RFX2: variants seen among roughly 807,000 people sequenced by gnomAD.
RFX2 encodes the protein DNA-binding protein RFX2.
A neutral mutation model predicts 87.8 loss-of-function variants in RFX2; 20 were observed. The observed-to-expected ratio is 0.23, with a 90% confidence interval of 0.16 to 0.33. RFX2 has a LOEUF of 0.33. Ranked by LOEUF, RFX2 falls within the 10% of genes least tolerant of loss-of-function variation. The pLI is 1.00. For synonymous variants in RFX2, 397 were observed against 431.3 expected (o/e 0.92, Z 0.98); for missense variants, 767 against 1,012.3 (o/e 0.76, Z 3.29).
rs1266389543 is a variant in RFX2 at position 6,036,431 on chromosome 19, G to A, written c.522+3549C>T. Among the ~76,000 whole-genome samples, 6 of 152,144 alleles carry A rather than the reference G, an allele frequency of 3.9e-5. No homozygotes were observed. In the East Asian group the frequency reaches 1.2e-3, roughly 29 times the overall value. ...TCACTCTGGACAAAGGAAGAGAGAG[G>A]ACAGCAAGATTCATGGGGCCTCTCT... On this transcript the variant is annotated intron_variant, in intron 5 of 17. Transcript: ENST00000303657.
intron 1 of RFX2, among the ~76,000 whole-genome samples, chr19:6,062,559 C>G (rs2087451320): frequency 1.3e-5 from 2 of 152,352 alleles, no homozygotes; most frequent in South Asian, 4.1e-4. Context: ...GAGCTTCCGT[C>G]TCTTTTCTGT....
Position 6,010,195 on chromosome 19 carries a change from A to G in RFX2, c.956T>C (p.Leu319Pro), listed in dbSNP as rs1043235339. 1.3e-6 allele frequency: 2 copies of G among 1,548,780 alleles called. No individual in the cohort carries two copies. The highest frequency in any genetic ancestry group is 1.7e-6 in the Non-Finnish European group (2 of 1,146,972). ...SLGDSGSHSGLHSTPEQTMAV... is the reference protein window; with the variant it reads ...SLGDSGSHSGPHSTPEQTMAV... ...CATGGTCTGTTCCGGAGTGCTGTGC[A>G]GGCCGCTGTGGGAGCCGCTGTCCCC... The change falls in exon 9 of 18, where the codon CTG (leucine) becomes CCG (proline). Residue 319 changes from leucine to proline, a missense_variant. Around this residue, in one of 2 missense-constraint regions of RFX2, gnomAD observed 621 missense variants for 873.0 expected, o/e 0.71. Transcript: ENST00000303657. The surrounding 1 kb of genome is among the most constrained non-coding windows in gnomAD (Gnocchi z 5.0).
At chr19:5,994,995 C>T (rs538563334) in intron 17 of RFX2, 45 bp from the exon 18 acceptor site, 16 of 1,448,990 alleles carry the variant, frequency 1.1e-5, no homozygotes, top group East Asian at 6.9e-5. Context: ...CAGGAGGGCA[C>T]GAGAGGGAGA....
chr19:6,093,859 G>A (rs2144888587), intron 1 of RFX2, among the ~76,000 whole-genome samples: 1 of 152,240 alleles, frequency 6.6e-6, no homozygotes, highest in East Asian at 1.9e-4. Context: ...CTTACTATAT[G>A]ATTCCATTTT....
intron 5 of RFX2, among the ~76,000 whole-genome samples, chr19:6,038,264 T>G (rs1408116810): frequency 7.1e-6 from 1 of 140,524 alleles, no homozygotes; most frequent in African/African-American, 2.7e-5. Flanking sequence ...GAGGTGGAGG[T>G]TGCAGTGAGC....
At chr19:6,043,884 T>C (rs1489568666) in intron 3 of RFX2, among the ~76,000 whole-genome samples, 1 of 152,204 alleles carries the variant, frequency 6.6e-6, no homozygotes, top group Non-Finnish European at 1.5e-5. Flanking sequence ...TCCAGAGCCC[T>C]TTGTTTCTGT....
rs539772067 is a variant in RFX2 at position 6,049,944 on chromosome 19, G to A, written c.-8-2440C>T. Among the ~76,000 whole-genome samples the A allele has an allele frequency of 1.1e-4, 16 of 152,364 alleles. No individual in the cohort carries two copies. In the East Asian group the frequency reaches 2.9e-3, roughly 28 times the overall value. ...TCCACAAATGCTTGGGTGCCAGAAAGCATCAGCCTCGTTATCCTGAAGGGT... is the reference window on the plus strand; with the variant it reads ...TCCACAAATGCTTGGGTGCCAGAAAACATCAGCCTCGTTATCCTGAAGGGT... On this transcript the variant is annotated intron_variant, in intron 1 of 17. Transcript: ENST00000303657.
chr19:6,092,080 A>C (rs2087944128), intron 1 of RFX2, among the ~76,000 whole-genome samples: 3 of 152,242 alleles, frequency 2.0e-5, no homozygotes, highest in Non-Finnish European at 4.4e-5. Context: ...AAAAAAGAAA[A>C]CCATGATTCA....
In RFX2 at chr19:6,101,241, G is replaced by A. The variant is rs540803778; in HGVS notation, c.-9+9152C>T. Reference sequence around the variant, plus strand: ...GTCCCTAGTAGGGTGAATTCTTCAAGAAAACGAATAATTCCTTTTAAAATC... The same window carrying A: ...GTCCCTAGTAGGGTGAATTCTTCAAAAAAACGAATAATTCCTTTTAAAATC... On this transcript the variant is annotated intron_variant, in intron 1 of 17. Coordinates refer to ENST00000303657, the MANE Select transcript of RFX2 (RefSeq NM_000635.4). The surrounding 1 kb of genome is among the most constrained non-coding windows in gnomAD (Gnocchi z 4.9). Among the ~76,000 whole-genome samples, 31 of 152,310 alleles carry A rather than the reference G, an allele frequency of 2.0e-4. No individual in the cohort carries two copies. Among genetic ancestry groups the A allele is most frequent in the African/African-American group, 6.7e-4 (28 of 41,566 alleles).
intron 1 of RFX2, among the ~76,000 whole-genome samples, chr19:6,051,373 T>C (rs1337310281): frequency 1.3e-5 from 2 of 152,160 alleles, no homozygotes; most frequent in Non-Finnish European, 2.9e-5. Flanking sequence ...TCCATGACAG[T>C]TGTAACACAG....
At chr19:6,025,189 AG>A (rs1244189458) in intron 6 of RFX2, among the ~76,000 whole-genome samples, 3 of 152,112 alleles carry the variant, frequency 2.0e-5, no homozygotes, top group East Asian at 1.9e-4. Context: ...GATGAGTCTG[AG>A]GGGGCCAGAG....
intron 1 of RFX2, among the ~76,000 whole-genome samples, chr19:6,084,333 A>G (rs1264609082): frequency 1.3e-5 from 2 of 152,216 alleles, no homozygotes; most frequent in East Asian, 3.8e-4. Context: ...ATGACGAGTC[A>G]ATTACTCTTT....
chr19:6,025,460 G>A (rs1402723703), intron 6 of RFX2, among the ~76,000 whole-genome samples: 2 of 152,110 alleles, frequency 1.3e-5, no homozygotes, highest in Non-Finnish European at 2.9e-5. Flanking sequence ...AGAGTCTAAG[G>A]CATTCCCGAT....
At position 6,044,133 on chromosome 19, in the gene RFX2, C is replaced by A; in HGVS notation, c.180+60G>T. On this transcript the variant is annotated intron_variant, in intron 3 of 17. Coordinates refer to ENST00000303657, the MANE Select transcript of RFX2 (RefSeq NM_000635.4). The surrounding 1 kb of genome is among the most constrained non-coding windows in gnomAD (Gnocchi z 5.3). ...AAGGATGCATCCTTCAGAGATTGTTCTGGATTGCTGAGTGCTAACTGCGCC... is the reference window on the plus strand; with the variant it reads ...AAGGATGCATCCTTCAGAGATTGTTATGGATTGCTGAGTGCTAACTGCGCC... The A allele has an allele frequency of 1.0e-6, 1 of 978,588 alleles. No individual in the cohort carries two copies. Among genetic ancestry groups the A allele is most frequent in the South Asian group, 3.2e-5 (1 of 31,698 alleles). 60.6% of individuals were successfully genotyped at this position (978,588 alleles called of 1,614,324 possible).
chr19:6,008,590 G>C (rs759481579), intron 9 of RFX2, among the ~76,000 whole-genome samples: 4 of 151,840 alleles, frequency 2.6e-5, no homozygotes, highest in East Asian at 3.9e-4. Flanking sequence ...GGCCAGGCTG[G>C]TCTCGAACTC....
chr19:5,993,278 A>G lies in RFX2; in HGVS notation c.*1557T>C, dbSNP rs1330733866. 2 of 152,234 alleles carry G rather than the reference A, an allele frequency of 1.3e-5. No individual in the cohort carries two copies. Among genetic ancestry groups the G allele is most frequent in the Non-Finnish European group, 2.9e-5 (2 of 68,042 alleles). 9.4% of individuals were successfully genotyped at this position (152,234 alleles called of 1,614,324 possible). Reference sequence around the variant, plus strand: ...GAGAGGAGATGTATATTTTAAAGACATTCTTTCTGTCTGATTTCAACTAAG... The same window carrying G: ...GAGAGGAGATGTATATTTTAAAGACGTTCTTTCTGTCTGATTTCAACTAAG... On this transcript the variant is annotated 3_prime_UTR_variant, in exon 18 of 18. Transcript: ENST00000303657.
intron 1 of RFX2, chr19:6,109,342 G>C (rs1026949334): frequency 6.6e-6 from 1 of 152,064 alleles, no homozygotes; most frequent in African/African-American, 2.4e-5. Context: ...AGGGGAGGGG[G>C]TGTCCGAGGC....
chr19:6,033,954 G>A lies in RFX2; in HGVS notation c.522+6026C>T, dbSNP rs1024945243. On this transcript the variant is annotated intron_variant, in intron 5 of 17. Coordinates refer to ENST00000303657, the MANE Select transcript of RFX2 (RefSeq NM_000635.4). ...GTCAAAGGCAGGCAGTGGGAAGAGC[G>A]ATTATCATCATGTGTGTTGGCTGGC... Among the ~76,000 whole-genome samples, 4 of 152,206 alleles carry A rather than the reference G, an allele frequency of 2.6e-5. No individual in the cohort carries two copies. The South Asian group carries it at 6.2e-4, about 24-fold the overall frequency.
In RFX2 at chr19:6,071,430, C is replaced by T. The variant is rs145465133; in HGVS notation, c.-8-23926G>A. Among the ~76,000 whole-genome samples the T allele has an allele frequency of 3.0e-4, 45 of 152,134 alleles. 2 individuals carry two copies. The East Asian group carries it at 7.3e-3, about 25-fold the overall frequency. On this transcript the variant is annotated intron_variant, in intron 1 of 17. Transcript: ENST00000303657. ...AGGCACAGACATATCTCAATTGGCC[C>T]GGGACAGAAAATCAAGCCAAGTCAG...
Sources: allele counts gnomAD v4.1 joint callset (sites outside exome capture counted in the v4.1 genomes callset), GRCh38; gene constraint gnomAD v4.1.1; regional missense constraint gnomAD v4.1.1; non-coding constraint Gnocchi (gnomAD v3.1); transcripts MANE v1.5; gene names NCBI Gene and HGNC (gene_info 2026-07-23, HGNC 2026-07-21).